Variants in CNST observed in about 807,000 individuals in gnomAD.
CNST encodes consortin, connexin sorting protein, also known as consortin.
Under a neutral mutation model 72.4 loss-of-function variants are expected in CNST, and 39 were observed. That is an observed-to-expected ratio of 0.54 (90% CI 0.42 to 0.70). The LOEUF is 0.70. Among genes scored for constraint, CNST ranks in the 30% least tolerant of loss-of-function variants. The pLI, the probability that CNST is intolerant of heterozygous loss-of-function variation, is 0.00. For synonymous variants in CNST, 332 were observed against 320.1 expected, an observed-to-expected ratio of 1.04 and a Z score of -0.40; for missense variants, 871 against 868.5, an observed-to-expected ratio of 1.00 and a Z score of -0.04.
intron 1 of CNST, among the ~76,000 whole-genome samples, chr1:246,570,272 T>C (rs531121954): frequency 1.3e-5 from 2 of 152,334 alleles, no homozygotes; most frequent in African/African-American, 2.4e-5. Flanking sequence ...GAACCGTCAG[T>C]GGTTCAGAGC....
chr1:246,645,146 G>A (rs560242200), intron 8 of CNST, among the ~76,000 whole-genome samples: 30 of 152,268 alleles, frequency 2.0e-4, no homozygotes, highest in Middle Eastern at 3.4e-3. Context: ...TCAGCAGCCC[G>A]AAGTTGAGTG....
chr1:246,634,986 G>C (rs1038323481), intron 6 of CNST, among the ~76,000 whole-genome samples: 13 of 150,638 alleles, frequency 8.6e-5, no homozygotes, highest in African/African-American at 1.2e-4. Context: ...CGTGTCTTCC[G>C]GCCGGCCCTC....
chr1:246,631,724 C>T (rs965927052), intron 3 of CNST, among the ~76,000 whole-genome samples, 170 bp from the exon 4 acceptor site: 7 of 152,168 alleles, frequency 4.6e-5, no homozygotes, highest in African/African-American at 1.4e-4. Context: ...GAATTGCATC[C>T]TGTGCCTACA....
chr1:246,588,142 AT>A (rs926789542), intron 1 of CNST, among the ~76,000 whole-genome samples: 1 of 151,874 alleles, frequency 6.6e-6, no homozygotes, highest in African/African-American at 2.4e-5. Flanking sequence ...TATATTTTTT[AT>A]TTTTATTAAA....
In CNST at chr1:246,591,684, A is replaced by C. The variant is rs1661553388; in HGVS notation, c.122A>C (p.Asn41Thr). The C allele has an allele frequency of 6.2e-7, 1 of 1,614,166 alleles. No homozygotes were observed. Among genetic ancestry groups the C allele is most frequent in the African/African-American group, 1.3e-5 (1 of 75,042 alleles). The change falls in exon 2 of 11, where the codon AAT (asparagine) becomes ACT (threonine). Residue 41 changes from asparagine to threonine, a missense_variant. By Grantham distance (65) the Asn-to-Thr change is moderately conservative (BLOSUM62 0). Transcript: ENST00000366513. ...CCTTCTGCATCAGATGAAAATGAAAATCAGCTTGACGGGGACGGGCATGAG... is the reference window on the plus strand; with the variant it reads ...CCTTCTGCATCAGATGAAAATGAAACTCAGCTTGACGGGGACGGGCATGAG... ...CLPSASDENE[N>T]QLDGDGHEHL...
chr1:246,645,584 C>T (rs1279617324), intron 8 of CNST, among the ~76,000 whole-genome samples: 2 of 151,756 alleles, frequency 1.3e-5, no homozygotes, highest in Non-Finnish European at 2.9e-5. Flanking sequence ...CCCGCCACCG[C>T]GCCCGGCTAA....
Position 246,667,522 on chromosome 1 carries a change from A to AGGGTT in CNST, c.*1618_*1622dup, listed in dbSNP as rs1306232716. 48 of 152,202 alleles carry AGGGTT rather than the reference A, an allele frequency of 3.2e-4. No homozygotes were observed. Among genetic ancestry groups the AGGGTT allele is most frequent in the Admixed American group, 3.1e-3 (48 of 15,290 alleles). The allele number at this position is 152,202 out of a possible 1,614,324, so 9.4% of individuals were successfully genotyped here. A position where few individuals can be genotyped will look rare whatever the true frequency, so the allele number is the denominator to read the frequency against. ...GTCACCATAAACTGTAATATTTTCA[A>AGGGTT]GGGTTATAGATCAAAGATATTTATT... On this transcript the variant is annotated 3_prime_UTR_variant, in exon 11 of 11. Transcript: ENST00000366513.
intron 2 of CNST, among the ~76,000 whole-genome samples, chr1:246,598,746 C>T (rs1234585361): frequency 3.9e-5 from 6 of 152,080 alleles, no homozygotes; most frequent in Non-Finnish European, 8.8e-5. Context: ...TACATCATGC[C>T]CTGCCTAAGT....
At chr1:246,635,738 T>G (rs1261335411) in intron 6 of CNST, among the ~76,000 whole-genome samples, 1 of 152,186 alleles carries the variant, frequency 6.6e-6, no homozygotes, top group African/African-American at 2.4e-5. Context: ...TTATTCTATT[T>G]AGCATATATG....
intron 2 of CNST, among the ~76,000 whole-genome samples, chr1:246,601,363 A>G (rs1662278819): frequency 6.6e-6 from 1 of 152,132 alleles, no homozygotes; most frequent in African/African-American, 2.4e-5. Flanking sequence ...GGTAAAAATG[A>G]TGATGAGCCA....
At chr1:246,628,763 A>G (rs1262027375) in intron 3 of CNST, among the ~76,000 whole-genome samples, 1 of 152,176 alleles carries the variant, frequency 6.6e-6, no homozygotes, top group African/African-American at 2.4e-5. Flanking sequence ...CTCGGTTTCA[A>G]CATATGAATT....
Position 246,591,539 on chromosome 1 carries a change from A to G in CNST, c.-24A>G, listed in dbSNP as rs1661541942. On this transcript the variant is annotated 5_prime_UTR_variant, in exon 2 of 11. Coordinates refer to ENST00000366513, the MANE Select transcript of CNST (RefSeq NM_152609.3). ...ATGGAAGGTCTTTAATGTAACTTTA[A>G]ATGGTTCACCAAAGGATGCTCTAAT... The G allele has an allele frequency of 6.2e-7, 1 of 1,613,560 alleles. No individual in the cohort carries two copies. Among genetic ancestry groups the G allele is most frequent in the Non-Finnish European group, 8.5e-7 (1 of 1,179,606 alleles).
intron 6 of CNST, among the ~76,000 whole-genome samples, chr1:246,638,197 G>A (rs1038973259): frequency 6.6e-6 from 1 of 152,202 alleles, no homozygotes; most frequent in African/African-American, 2.4e-5. Context: ...GCCCTTCCTT[G>A]ATGTACCATG....
chr1:246,636,701 C>G (rs532667759), intron 6 of CNST, among the ~76,000 whole-genome samples: 5 of 152,202 alleles, frequency 3.3e-5, no homozygotes, highest in Non-Finnish European at 7.3e-5. Flanking sequence ...CACTGTTTCC[C>G]TTTTGGACAT....
chr1:246,619,785 T>G (rs1307205699), intron 2 of CNST, among the ~76,000 whole-genome samples: 1 of 152,218 alleles, frequency 6.6e-6, no homozygotes, highest in Non-Finnish European at 1.5e-5. Flanking sequence ...AATCCAAAGA[T>G]ATGAACTACA....
intron 1 of CNST, among the ~76,000 whole-genome samples, chr1:246,578,645 TA>T (rs1351511703): frequency 5.9e-5 from 9 of 151,684 alleles, no homozygotes; most frequent in Non-Finnish European, 1.5e-5. Flanking sequence ...CACTCCAGCC[TA>T]GGCAACAGAG....
At chr1:246,601,157 A>T (rs1190024402) in intron 2 of CNST, among the ~76,000 whole-genome samples, 1 of 151,960 alleles carries the variant, frequency 6.6e-6, no homozygotes, top group East Asian at 1.9e-4. Flanking sequence ...AATAAAAAAA[A>T]TAGCAGGCGT....
At chr1:246,660,480 C>G (rs1667036223) in intron 10 of CNST, 146 bp downstream of exon 10, 4 of 752,048 alleles carry the variant, frequency 5.3e-6, no homozygotes, top group Non-Finnish European at 8.4e-6. Context: ...AATCCCAGCA[C>G]TTTAGGAGGC....
At chr1:246,613,598 G>A (rs1055758101) in intron 2 of CNST, among the ~76,000 whole-genome samples, 1 of 147,610 alleles carries the variant, frequency 6.8e-6, no homozygotes, top group Non-Finnish European at 1.5e-5. Context: ...ACTCTGAATA[G>A]TAGTATACAA....
Sources: gnomAD v4.1 joint callset for allele counts (sites outside exome capture counted in the v4.1 genomes callset) on GRCh38, gnomAD v4.1.1 for gene constraint, MANE v1.5 for transcripts, NCBI Gene and HGNC (gene_info 2026-07-23, HGNC 2026-07-21) for gene names.